The following CYFIP1 variants were observed in gnomAD, a reference collection of about 807,000 sequenced individuals.
The protein encoded by CYFIP1 is cytoplasmic FMR1 interacting protein 1, also known as cytoplasmic FMR1-interacting protein 1.
In CYFIP1, 58 loss-of-function variants were observed where a neutral mutation model predicts 163.5. That is an observed-to-expected ratio of 0.35 (90% CI 0.29 to 0.44). The LOEUF (loss-of-function observed/expected upper bound fraction) is 0.44. CYFIP1 is among the 20% of genes least tolerant of loss of function. CYFIP1 has a pLI of 1.00. For synonymous variants in CYFIP1, 663 were observed against 660.7 expected, an observed-to-expected ratio of 1.00 and a Z score of -0.05; for missense variants, 1,338 against 1,653.8, an observed-to-expected ratio of 0.81 and a Z score of 3.31.
At chr15:22,952,850 CTCTT>C (rs1053519997) in intron 1 of CYFIP1, among the ~76,000 whole-genome samples, 2 of 152,200 alleles carry the variant, frequency 1.3e-5, no homozygotes, top group African/African-American at 2.4e-5. Context: ...GCTTTGTAAG[CTCTT>C]TCTTTCTCCC....
chr15:22,958,701 C>T (rs2062570112), intron 1 of CYFIP1, among the ~76,000 whole-genome samples: 1 of 152,138 alleles, frequency 6.6e-6, no homozygotes, highest in Non-Finnish European at 1.5e-5. Flanking sequence ...CAGGCACCGC[C>T]AAACCTGCAC....
intron 26 of CYFIP1, among the ~76,000 whole-genome samples, chr15:22,878,900 A>G (rs567176462): frequency 3.3e-5 from 5 of 152,086 alleles, no homozygotes; most frequent in South Asian, 2.1e-4. Flanking sequence ...ACTTTGGGAG[A>G]CCAAGGCGGG....
rs143745402 is a variant in CYFIP1 at position 22,951,458 on chromosome 15, G to A, written c.-6-4167C>T. 5.4e-3 allele frequency: 6,974 copies of A among 1,289,434 alleles called. 29 individuals carry two copies. Among genetic ancestry groups the A allele is most frequent in the Non-Finnish European group, 6.5e-3 (6,445 of 988,826 alleles). 79.9% of individuals were successfully genotyped at this position (1,289,434 alleles called of 1,614,324 possible). A position where few individuals can be genotyped will look rare whatever the true frequency, so the allele number is the denominator to read the frequency against. The stretch of plus-strand genomic sequence containing the variant: ...GGGGCCTGCCCTTGGTGTCCACGCA[G>A]GCACCTCAGGGTGATGCCGCTCGGA... On this transcript the variant is annotated intron_variant, in intron 1 of 30. Transcript: ENST00000617928.
intron 30 of CYFIP1, among the ~76,000 whole-genome samples, chr15:22,872,308 A>G (rs908049247): frequency 2.7e-5 from 4 of 150,322 alleles, no homozygotes; most frequent in African/African-American, 7.4e-5. Context: ...AAAAAAAAAA[A>G]AAGAAAGAAA....
chr15:22,912,827 AG>A (rs1178142585), intron 17 of CYFIP1, among the ~76,000 whole-genome samples: 2 of 152,062 alleles, frequency 1.3e-5, no homozygotes, highest in Admixed American at 1.3e-4. Context: ...AGGCTGAGGT[AG>A]AAGGATCACT....
At chr15:22,878,718 A>C (rs2059658423) in intron 26 of CYFIP1, among the ~76,000 whole-genome samples, 1 of 151,964 alleles carries the variant, frequency 6.6e-6, no homozygotes, top group Non-Finnish European at 1.5e-5. Context: ...AAAAGGCTAC[A>C]TCCAAATTAA....
chr15:22,917,012 G>A lies in CYFIP1; in HGVS notation c.1675-382C>T. 1 of 1,549,006 alleles carries A rather than the reference G, an allele frequency of 6.5e-7. No individual in the cohort carries two copies. Among genetic ancestry groups the A allele is most frequent in the African/African-American group, 1.4e-5 (1 of 72,966 alleles). On this transcript the variant is annotated intron_variant, in intron 15 of 30. Coordinates refer to ENST00000617928, the MANE Select transcript of CYFIP1 (RefSeq NM_014608.6). This position sits in a 1 kb window ranked among gnomAD's most constrained non-coding sequence, Gnocchi z 4.2. ...CGGCAGAGCCCAAGGACTCGGCCAT[G>A]GTGCGCACCAGGTAGAGCTAGACAC...
chr15:22,966,528 A>T (rs1191870129), intron 1 of CYFIP1, among the ~76,000 whole-genome samples: 1 of 152,080 alleles, frequency 6.6e-6, no homozygotes, highest in African/African-American at 2.4e-5. Flanking sequence ...TCCAGCCTCC[A>T]GAACTGTGAG....
At chr15:22,894,036 T>A (rs996365864) in intron 22 of CYFIP1, among the ~76,000 whole-genome samples, 3 of 151,984 alleles carry the variant, frequency 2.0e-5, no homozygotes, top group Non-Finnish European at 2.9e-5. Flanking sequence ...TCCCAGAGAT[T>A]CCTGGGCACT....
At chr15:22,948,923 C>T (rs1016580409) in intron 1 of CYFIP1, among the ~76,000 whole-genome samples, 6 of 151,402 alleles carry the variant, frequency 4.0e-5, no homozygotes, top group Non-Finnish European at 4.4e-5. Flanking sequence ...TGGGGATCTT[C>T]AGGACAAGAG....
intron 30 of CYFIP1, among the ~76,000 whole-genome samples, chr15:22,870,579 G>C (rs2059407260): frequency 6.6e-6 from 1 of 152,146 alleles, no homozygotes; most frequent in Admixed American, 6.5e-5. Flanking sequence ...CTCCCAAACT[G>C]TTGGGATTAC....
rs904267844 is a variant in CYFIP1, at chr15:22,903,849, G to A, written c.2445C>T (p.Tyr815=). The A allele has an allele frequency of 2.5e-6, 4 of 1,614,084 alleles. No homozygotes were observed. In the African/African-American group the frequency reaches 5.3e-5, roughly 22 times the overall value. Residue 815 remains tyrosine (Y), a synonymous_variant, in exon 22 of 31, where the codon TAC becomes TAT. Coordinates refer to ENST00000617928, the MANE Select transcript of CYFIP1 (RefSeq NM_014608.6). The part of the protein sequence containing the change: ...NRMTHKLLSR[Y]LTLDGFDAMF... Reference sequence around the variant, plus strand: ...TGGCGTCGAAGCCGTCCAGCGTCAGGTACCGGCTCAGCAGCTTGTGGGTCA... The same window carrying A: ...TGGCGTCGAAGCCGTCCAGCGTCAGATACCGGCTCAGCAGCTTGTGGGTCA...
At chr15:22,973,277 G>A (rs546685398) in intron 1 of CYFIP1, among the ~76,000 whole-genome samples, 2 of 127,382 alleles carry the variant, frequency 1.6e-5, no homozygotes, top group Non-Finnish European at 1.5e-5. Flanking sequence ...TTGCCCCACT[G>A]CATTCCAGCC....
Position 22,867,576 on chromosome 15 carries a change from T to TG in CYFIP1, c.*2451_*2452insC, listed in dbSNP as rs535358665. 3.0e-3 allele frequency: 566 copies of TG among 191,780 alleles called. 3 individuals carry two copies. Among genetic ancestry groups the TG allele is most frequent in the African/African-American group, 0.012 (539 of 43,256 alleles). The allele number at this position is 191,780 out of a possible 1,614,324, so 11.9% of individuals were successfully genotyped here. On this transcript the variant is annotated 3_prime_UTR_variant, in exon 31 of 31. Coordinates refer to ENST00000617928, the MANE Select transcript of CYFIP1 (RefSeq NM_014608.6). ...AATCCCATGATGCCTGGAACCTTGA[T>TG]TACCGTTTTACATCAGCTCTTGTAC...
At chr15:22,939,581 A>T in intron 6 of CYFIP1, 74 bp from the exon 7 acceptor site, 1 of 957,562 alleles carries the variant, frequency 1.0e-6, no homozygotes, top group Non-Finnish European at 1.5e-6. Flanking sequence ...AAAAAAAAAA[A>T]GCCTGGTTCG....
rs1320988796 is a variant in CYFIP1, at chr15:22,914,647, C to T, written c.1985+79G>A. The T allele has an allele frequency of 2.1e-6, 3 of 1,440,276 alleles. No homozygotes were observed. The African/African-American group carries it at 4.3e-5, about 21-fold the overall frequency. 89.2% of individuals were successfully genotyped at this position (1,440,276 alleles called of 1,614,324 possible). On this transcript the variant is annotated intron_variant, in intron 17 of 30. Transcript: ENST00000617928. ...TTTCAAATACAATACTAAAAACAGT[C>T]CCGGCCTCTCCGCCACCTCCTCTGA...
intron 1 of CYFIP1, among the ~76,000 whole-genome samples, chr15:22,954,314 T>A (rs1036664178): frequency 6.6e-6 from 1 of 152,166 alleles, no homozygotes; most frequent in Admixed American, 6.5e-5. Flanking sequence ...TGATCTGTGG[T>A]GTTTTGTTAA....
intron 22 of CYFIP1, among the ~76,000 whole-genome samples, chr15:22,895,788 T>A (rs1342150048): frequency 2.0e-5 from 3 of 152,134 alleles, no homozygotes; most frequent in African/African-American, 7.2e-5. Flanking sequence ...ACTGTGCCCA[T>A]GCAACGAAGC....
At chr15:22,956,190 G>A (rs1357223142) in intron 1 of CYFIP1, among the ~76,000 whole-genome samples, 1 of 152,092 alleles carries the variant, frequency 6.6e-6, no homozygotes, top group African/African-American at 2.4e-5. Flanking sequence ...CTGGGCGACA[G>A]AGTGAGACTC....
Sources: allele counts gnomAD v4.1 joint callset (sites outside exome capture counted in the v4.1 genomes callset), GRCh38; gene constraint gnomAD v4.1.1; non-coding constraint Gnocchi (gnomAD v3.1); transcripts MANE v1.5; gene names NCBI Gene and HGNC (gene_info 2026-07-23, HGNC 2026-07-21).